The following C12orf76 variants were observed in gnomAD, a reference collection of about 807,000 sequenced individuals.
C12orf76 encodes the protein chromosome 12 open reading frame 76.
C12orf76 carries 6 observed loss-of-function variants against 6.8 expected under a neutral mutation model. The observed-to-expected ratio is 0.88, with a 90% CI of 0.48 to 1.73. The LOEUF is 1.73. C12orf76 is among the 40% of genes most tolerant of loss of function. C12orf76 has a pLI of 0.01. For missense variants in C12orf76, 99 were observed against 98.2 expected, an observed-to-expected ratio of 1.01 and a Z score of -0.03; for synonymous variants, 56 against 43.7, an observed-to-expected ratio of 1.28 and a Z score of -1.11.
chr12:110,058,935 C>G (rs537579741), intron 3 of C12orf76: 14 of 1,475,134 alleles, frequency 9.5e-6, no homozygotes, highest in Non-Finnish European at 1.3e-5. Context: ...TACTCCCCCC[C>G]ACCAAAAAAA....
chr12:110,068,558 C>T (rs1046207009), upstream of C12orf76, among the ~76,000 whole-genome samples: 1 of 152,214 alleles, frequency 6.6e-6, no homozygotes, highest in East Asian at 1.9e-4. Flanking sequence ...GCTTAGCATC[C>T]TATCTACATA....
At chr12:110,057,614 G>A (rs1444788575) in intron 3 of C12orf76, among the ~76,000 whole-genome samples, 1 of 152,136 alleles carries the variant, frequency 6.6e-6, no homozygotes, top group Non-Finnish European at 1.5e-5. Flanking sequence ...GCACCCCCAA[G>A]GCAAGTTAAA....
At chr12:110,069,305 T>C (rs1042219962), upstream of C12orf76, among the ~76,000 whole-genome samples, 1 of 152,070 alleles carries the variant, frequency 6.6e-6, no homozygotes, top group African/African-American at 2.4e-5. Context: ...CGGGACATGG[T>C]GGCGGGCGCC....
chr12:110,068,292 GA>G (rs1447660332), upstream of C12orf76, among the ~76,000 whole-genome samples: 1 of 145,266 alleles, frequency 6.9e-6, no homozygotes, highest in East Asian at 1.9e-4. Context: ...AGAAGAAGAA[GA>G]AGAAGAAGAA....
At chr12:110,064,238 G>A (rs1892823693) in intron 2 of C12orf76, among the ~76,000 whole-genome samples, 1 of 152,188 alleles carries the variant, frequency 6.6e-6, no homozygotes, top group Non-Finnish European at 1.5e-5. Context: ...CATCCCATGT[G>A]ATTCCTTGTA....
chr12:110,062,744 C>CA, intron 2 of C12orf76, among the ~76,000 whole-genome samples: 1 of 150,952 alleles, frequency 6.6e-6, no homozygotes, highest in East Asian at 1.9e-4. Context: ...CTCAGCCTCC[C>CA]CAGTAGCTGG....
intron 2 of C12orf76, among the ~76,000 whole-genome samples, chr12:110,063,856 A>G (rs140504596): frequency 0.017 from 2,589 of 152,094 alleles, 78 homozygotes; most frequent in African/African-American, 0.059. Context: ...GCTGTGAGCC[A>G]AGATCACGCC....
chr12:110,062,041 A>T (rs760456695), intron 2 of C12orf76, among the ~76,000 whole-genome samples: 1 of 151,972 alleles, frequency 6.6e-6, no homozygotes, highest in Non-Finnish European at 1.5e-5. Context: ...AGGTGGGTGG[A>T]TCATTTGAAG....
chr12:110,060,178 A>G (rs1239312902), intron 2 of C12orf76, among the ~76,000 whole-genome samples: 1 of 152,054 alleles, frequency 6.6e-6, no homozygotes, highest in Non-Finnish European at 1.5e-5. Flanking sequence ...GTGAGCCGAG[A>G]TCACCCCATT....
chr12:110,055,210 G>A (rs367695050), intron 4 of C12orf76, among the ~76,000 whole-genome samples: 134 of 149,366 alleles, frequency 9.0e-4, no homozygotes, highest in East Asian at 2.9e-3. Flanking sequence ...TATATGAGAC[G>A]AAGCTTTTTT....
chr12:110,046,217 A>G lies in C12orf76; in HGVS notation c.133+2146T>C, dbSNP rs562617821. The stretch of plus-strand genomic sequence containing the variant: ...CCACAGTGGGCAGTTCATGAGGTCA[A>G]GAGATCGAGACCATCCTGGCCAACA... On this transcript the variant is annotated intron_variant, in intron 1 of 1. Coordinates refer to ENST00000615315, the MANE Select transcript of C12orf76 (RefSeq NM_001389625.1). 2.4e-4 allele frequency among the ~76,000 whole-genome samples: 36 copies of G among 152,134 alleles called. 1 individual carries two copies. Among genetic ancestry groups the G allele is most frequent in the South Asian group, 1.2e-3 (6 of 4,814 alleles).
chr12:110,063,243 C>G (rs1290637656), intron 2 of C12orf76, among the ~76,000 whole-genome samples: 6 of 151,688 alleles, frequency 4.0e-5, no homozygotes, highest in Non-Finnish European at 5.9e-5. Context: ...CCCAGCCCCC[C>G]TTTTTTAATT....
At chr12:110,046,007 T>A in intron 1 of C12orf76, 1 of 174,112 alleles carries the variant, frequency 5.7e-6, no homozygotes, top group South Asian at 1.1e-4. Context: ...AAACCATGAG[T>A]TGTTAGGTAC....
At chr12:110,057,351 C>T in intron 3 of C12orf76, 2 of 1,132,448 alleles carry the variant, frequency 1.8e-6, no homozygotes, top group South Asian at 1.3e-5. Flanking sequence ...AAGTGAACTG[C>T]CCTCATATCC....
chr12:110,058,882 T>C (rs559942323), intron 3 of C12orf76: 2 of 1,314,856 alleles, frequency 1.5e-6, no homozygotes, highest in Admixed American at 2.9e-5. Context: ...CCAACCACTC[T>C]TCTAAGTCTA....
chr12:110,066,130 G>A (rs1407929038), intron 1 of C12orf76: 1 of 1,358,776 alleles, frequency 7.4e-7, no homozygotes, highest in Non-Finnish European at 9.5e-7. Context: ...CTCACAATTT[G>A]GGAGGCCGAG....
chr12:110,067,112 A>G (rs1326394873), intron 1 of C12orf76, among the ~76,000 whole-genome samples: 3 of 152,208 alleles, frequency 2.0e-5, no homozygotes, highest in African/African-American at 7.2e-5. Flanking sequence ...AGAGAATGCA[A>G]CCATCTTTTA....
intron 2 of C12orf76, among the ~76,000 whole-genome samples, chr12:110,060,193 TC>T (rs1182899026): frequency 6.6e-6 from 1 of 151,986 alleles, no homozygotes; most frequent in African/African-American, 2.4e-5. Flanking sequence ...CCCATTACAC[TC>T]CAGCCTGTGC....
intron 1 of C12orf76, chr12:110,066,149 A>G: frequency 7.6e-7 from 1 of 1,311,294 alleles, no homozygotes; most frequent in Non-Finnish European, 9.8e-7. Flanking sequence ...AGGCAGGCGG[A>G]TCACTTGAGG....
Sources: allele counts gnomAD v4.1 joint callset (sites outside exome capture counted in the v4.1 genomes callset), GRCh38; gene constraint gnomAD v4.1.1; transcripts MANE v1.5; gene names NCBI Gene and HGNC (gene_info 2026-07-23, HGNC 2026-07-21).